Variants in TPGS2 observed in about 807,000 individuals in gnomAD.
The protein encoded by TPGS2 is polyglutamylase subunit 2.
A neutral mutation model predicts 31.1 loss-of-function variants in TPGS2; 26 were observed. That is an observed-to-expected ratio of 0.84 (90% CI 0.61 to 1.16). The LOEUF (loss-of-function observed/expected upper bound fraction) is 1.16. Among genes scored for constraint, TPGS2 ranks in the 50% most tolerant of loss-of-function variants. The pLI is 0.00. For missense variants in TPGS2, 351 were observed against 363.8 expected, an observed-to-expected ratio of 0.96 and a Z score of 0.29; for synonymous variants, 130 against 136.6, an observed-to-expected ratio of 0.95 and a Z score of 0.34.
At chr18:36,828,357 G>A (rs531327635) in intron 1 of TPGS2, among the ~76,000 whole-genome samples, 1 of 152,074 alleles carries the variant, frequency 6.6e-6, no homozygotes, top group African/African-American at 2.4e-5. Context: ...TGCCTCCTAG[G>A]GGGAGATCCA....
At chr18:36,792,359 TG>T (rs1433593390), downstream of TPGS2, among the ~76,000 whole-genome samples, 3 of 152,232 alleles carry the variant, frequency 2.0e-5, no homozygotes, top group African/African-American at 7.2e-5. Flanking sequence ...ACCTGGATGA[TG>T]GATACATGGG....
chr18:36,785,852 A>T (rs569591164), intron 6 of TPGS2, among the ~76,000 whole-genome samples: 205 of 152,332 alleles, frequency 1.3e-3, no homozygotes, highest in Non-Finnish European at 2.5e-3. Flanking sequence ...ACTATTTCTT[A>T]TAAAGGGTCA....
Position 36,828,810 on chromosome 18 carries a change from G to A in TPGS2, c.-43C>T. 6.2e-7 allele frequency: 1 copy of A among 1,600,020 alleles called. No homozygotes were observed. The highest frequency in any genetic ancestry group is 2.2e-5 in the East Asian group (1 of 44,710). Reference sequence around the variant, plus strand: ...CGCGCGCGGCGGGAGCGGGTGGAGGGCCGGACCCCGCCTCAGCGCCGAGGC... The same window carrying A: ...CGCGCGCGGCGGGAGCGGGTGGAGGACCGGACCCCGCCTCAGCGCCGAGGC... On this transcript the variant is annotated 5_prime_UTR_variant, in exon 1 of 7. Transcript: ENST00000334295.
chr18:36,781,963 C>T, downstream of TPGS2: 1 of 980,912 alleles, frequency 1.0e-6, no homozygotes. Context: ...AGTCATTTTC[C>T]ATATGCTTCT....
At chr18:36,810,234 G>C (rs2045358705) in intron 2 of TPGS2, among the ~76,000 whole-genome samples, 1 of 152,082 alleles carries the variant, frequency 6.6e-6, no homozygotes, top group Admixed American at 6.5e-5. Context: ...CTTCTGAGTG[G>C]GGCAAATCCA....
Position 36,794,311 on chromosome 18 carries a change from G to C in TPGS2, c.*2494C>G. 5 of 985,400 alleles carry C rather than the reference G, an allele frequency of 5.1e-6. No homozygotes were observed. Among genetic ancestry groups the C allele is most frequent in the Non-Finnish European group, 6.0e-6 (5 of 829,922 alleles). 61.0% of individuals were successfully genotyped at this position (985,400 alleles called of 1,614,324 possible). A position where few individuals can be genotyped will look rare whatever the true frequency, so the allele number is the denominator to read the frequency against. On this transcript the variant is annotated 3_prime_UTR_variant, in exon 7 of 7. Transcript: ENST00000334295. ...TCCTGCACTGAGTGGAGTCAGTCCT[G>C]CTCTTCCCTGCTCACTCCTTCTGAG...
Position 36,795,780 on chromosome 18 carries a change from G to C in TPGS2, c.*1025C>G, listed in dbSNP as rs950585207. 11 of 985,328 alleles carry C rather than the reference G, an allele frequency of 1.1e-5. No individual in the cohort carries two copies. In the African/African-American group the frequency reaches 1.9e-4, roughly 17 times the overall value. 61.0% of individuals were successfully genotyped at this position (985,328 alleles called of 1,614,324 possible). A position where few individuals can be genotyped will look rare whatever the true frequency, so the allele number is the denominator to read the frequency against. ...CCCACCCTGTTCTAAGCAGGAGACT[G>C]CTTGTCCTAAGGATGGCCAGGGACC... On this transcript the variant is annotated 3_prime_UTR_variant, in exon 7 of 7. Coordinates refer to ENST00000334295, the MANE Select transcript of TPGS2 (RefSeq NM_015476.4).
chr18:36,797,176 T>G lies in TPGS2; in HGVS notation c.658-126A>C, dbSNP rs941794435. The G allele has an allele frequency of 2.6e-6, 4 of 1,521,264 alleles. No homozygotes were observed. The African/African-American group carries it at 5.7e-5, about 22-fold the overall frequency. The allele number at this position is 1,521,264 out of a possible 1,614,324, so 94.2% of individuals were successfully genotyped here. A position where few individuals can be genotyped will look rare whatever the true frequency, so the allele number is the denominator to read the frequency against. On this transcript the variant is annotated intron_variant, in intron 6 of 6. Coordinates refer to ENST00000334295, the MANE Select transcript of TPGS2 (RefSeq NM_015476.4). Reference sequence around the variant, plus strand: ...AGGTACATTTTCATGAAAAACTGCCTAAAAATCTATTTGCTCTTCCTTTAA... The same window carrying G: ...AGGTACATTTTCATGAAAAACTGCCGAAAAATCTATTTGCTCTTCCTTTAA...
Position 36,794,556 on chromosome 18 carries a change from A to G in TPGS2, c.*2249T>C. On this transcript the variant is annotated 3_prime_UTR_variant, in exon 7 of 7. Coordinates refer to ENST00000334295, the MANE Select transcript of TPGS2 (RefSeq NM_015476.4). ...GCAGTGGAAGATGACATAACTTCTC[A>G]ACTCCCTTCTAACCTCGCTTGTCTT... The G allele has an allele frequency of 1.0e-6, 1 of 985,316 alleles. No homozygotes were observed. The highest frequency in any genetic ancestry group is 1.2e-6 in the Non-Finnish European group (1 of 829,906). 61.0% of individuals were successfully genotyped at this position (985,316 alleles called of 1,614,324 possible).
intron 2 of TPGS2, among the ~76,000 whole-genome samples, chr18:36,810,341 G>A (rs910036775): frequency 2.6e-5 from 4 of 152,228 alleles, no homozygotes; most frequent in East Asian, 3.9e-4. Context: ...TAATTTTAAC[G>A]TATCTCACCA....
At chr18:36,782,582 CT>C (rs199550875), downstream of TPGS2, among the ~76,000 whole-genome samples, 1 of 152,030 alleles carries the variant, frequency 6.6e-6, no homozygotes, top group East Asian at 1.9e-4. Context: ...TTTTCTCTCT[CT>C]TTTTTTGGTG....
rs2044441201 is a variant in TPGS2, at chr18:36,794,728, C to T, written c.*2077G>A. 7 of 985,128 alleles carry T rather than the reference C, an allele frequency of 7.1e-6. No homozygotes were observed. Among genetic ancestry groups the T allele is most frequent in the Admixed American group, 6.2e-5 (1 of 16,234 alleles). 61.0% of individuals were successfully genotyped at this position (985,128 alleles called of 1,614,324 possible). A position where few individuals can be genotyped will look rare whatever the true frequency, so the allele number is the denominator to read the frequency against. On this transcript the variant is annotated 3_prime_UTR_variant, in exon 7 of 7. Transcript: ENST00000334295. ...CTCTCTATATCCTTTTCTGCCACTC[C>T]ATGAATTGTTGCACATTTATAAATC...
chr18:36,808,510 C>T (rs1255060809), intron 2 of TPGS2, among the ~76,000 whole-genome samples: 2 of 151,778 alleles, frequency 1.3e-5, no homozygotes, highest in East Asian at 1.9e-4. Context: ...TGGTGGCGGG[C>T]GCCTGTAGTC....
chr18:36,825,068 T>C (rs536600822), intron 1 of TPGS2, among the ~76,000 whole-genome samples: 16 of 152,318 alleles, frequency 1.1e-4, no homozygotes, highest in African/African-American at 3.6e-4. Flanking sequence ...TTATTTTACA[T>C]GTGGAAATCC....
intron 2 of TPGS2, 24 bp downstream of exon 2, chr18:36,818,870 T>TAA (rs147892182): frequency 0.15 from 234,287 of 1,604,520 alleles, 18,793 homozygotes; most frequent in Admixed American, 0.17. Context: ...TGATGGGAGG[T>TAA]AGAGTTCATG....
At chr18:36,808,984 A>T (rs1286496380) in intron 2 of TPGS2, among the ~76,000 whole-genome samples, 1 of 152,176 alleles carries the variant, frequency 6.6e-6, no homozygotes, top group African/African-American at 2.4e-5. Context: ...AAGAGGCAAC[A>T]TGTTAATAAC....
chr18:36,796,263 C>A lies in TPGS2; in HGVS notation c.*542G>T. 1.0e-6 allele frequency: 1 copy of A among 985,424 alleles called. No individual in the cohort carries two copies. The highest frequency in any genetic ancestry group is 1.7e-5 in the African/African-American group (1 of 57,360). The allele number at this position is 985,424 out of a possible 1,614,324, so 61.0% of individuals were successfully genotyped here. On this transcript the variant is annotated 3_prime_UTR_variant, in exon 7 of 7. Coordinates refer to ENST00000334295, the MANE Select transcript of TPGS2 (RefSeq NM_015476.4). ...AGAGCAGTATGAAAATATTCTAATG[C>A]AGTGCTGTCCAACAGAACTTTCTGT...
chr18:36,791,113 CTCT>C (rs2044294941), downstream of TPGS2, among the ~76,000 whole-genome samples: 1 of 152,180 alleles, frequency 6.6e-6, no homozygotes, highest in Non-Finnish European at 1.5e-5. Context: ...CCCCTTCACT[CTCT>C]TCCTCCTCCT....
At chr18:36,812,474 C>T (rs560423685) in intron 2 of TPGS2, among the ~76,000 whole-genome samples, 3 of 152,262 alleles carry the variant, frequency 2.0e-5, no homozygotes, top group South Asian at 2.1e-4. Context: ...GAAGAGCTTC[C>T]GGACAGCTGA....
Sources: allele counts gnomAD v4.1 joint callset (sites outside exome capture counted in the v4.1 genomes callset), GRCh38; gene constraint gnomAD v4.1.1; transcripts MANE v1.5; gene names NCBI Gene and HGNC (gene_info 2026-07-23, HGNC 2026-07-21).